FCER1A: variants seen among roughly 807,000 people sequenced by gnomAD.
FCER1A encodes Fc epsilon receptor Ia, also known as high affinity immunoglobulin epsilon receptor subunit alpha.
In FCER1A, 24 loss-of-function variants were observed where a neutral mutation model predicts 23.6. That is an observed-to-expected ratio of 1.02 (90% CI 0.74 to 1.43). The LOEUF is 1.43. FCER1A is among the 40% of genes most tolerant of loss of function. FCER1A has a pLI of 0.00. For synonymous variants in FCER1A, 121 were observed against 108.8 expected (o/e 1.11, Z -0.70); for missense variants, 318 against 294.5 (o/e 1.08, Z -0.58).
At chr1:159,283,903 A>T in the FCER1A span, among the ~76,000 whole-genome samples, 2 of 152,178 alleles carry the variant, frequency 1.3e-5, no homozygotes, top group Non-Finnish European at 2.9e-5. Context: ...AGAGGTAAGG[A>T]AGGTAGAACC....
At chr1:159,283,724 G>A in the FCER1A span, among the ~76,000 whole-genome samples, 2 of 152,148 alleles carry the variant, frequency 1.3e-5, no homozygotes, top group Non-Finnish European at 2.9e-5. Flanking sequence ...TGTTCCTGAG[G>A]CTTGGGACAT....
rs768920816 is a variant in FCER1A at position 159,302,442 on chromosome 1, C to T, written c.55+23C>T. The T allele has an allele frequency of 5.2e-6, 8 of 1,549,558 alleles. No individual in the cohort carries two copies. In the South Asian group the frequency reaches 6.7e-5, roughly 13 times the overall value. On this transcript the variant is annotated intron_variant, in intron 1 of 4. Coordinates refer to ENST00000693622, the MANE Select transcript of FCER1A (RefSeq NM_001387280.1). ...TCGGTAAGTAGAGATTCAATTACCC[C>T]TCCCAGGGAGGCCCAAATGAATTTG...
upstream of FCER1A, among the ~76,000 whole-genome samples, chr1:159,301,648 G>A (rs938279438): frequency 3.9e-5 from 6 of 152,196 alleles, 1 homozygote; most frequent in Non-Finnish European, 8.8e-5. Flanking sequence ...AAAATTTGTG[G>A]ATTTATGCAC....
upstream of FCER1A, among the ~76,000 whole-genome samples, chr1:159,298,348 A>G (rs563749465): frequency 3.3e-5 from 5 of 152,302 alleles, no homozygotes; most frequent in South Asian, 1.0e-3. Context: ...TGTTTGGGTC[A>G]TGGAGGCAGA....
rs1168123622 is a variant in FCER1A at position 159,307,763 on chromosome 1, A to C, written c.605A>C (p.Tyr202Ser). 6.2e-7 allele frequency: 1 copy of C among 1,609,908 alleles called. No homozygotes were observed. Among genetic ancestry groups the C allele is most frequent in the Non-Finnish European group, 8.5e-7 (1 of 1,176,668 alleles). ...TCCACTACAGCTCCGCGTGAGAAGT[A>C]CTGGCTACAATTTTTTATCCCATTG... Reference protein sequence around the residue: ...ITVIKAPREKYWLQFFIPLLV... With the variant: ...ITVIKAPREKSWLQFFIPLLV... Residue 202 changes from tyrosine to serine, a missense_variant, in exon 5 of 5, where the codon TAC becomes TCC. Coordinates refer to ENST00000693622, the MANE Select transcript of FCER1A (RefSeq NM_001387280.1).
At chr1:159,296,933 G>A (rs919403210) in intron 1 of FCER1A, among the ~76,000 whole-genome samples, 1 of 152,050 alleles carries the variant, frequency 6.6e-6, no homozygotes, top group Non-Finnish European at 1.5e-5. Context: ...AGAAACACAC[G>A]GGTCACAGAA....
At chr1:159,297,276 G>A (rs1393832109) in intron 1 of FCER1A, among the ~76,000 whole-genome samples, 2 of 152,088 alleles carry the variant, frequency 1.3e-5, no homozygotes, top group African/African-American at 4.8e-5. Flanking sequence ...GTGTGATGAT[G>A]TCTGTCTCAT....
chr1:159,297,819 T>A (rs774342350), upstream of FCER1A, among the ~76,000 whole-genome samples: 4 of 152,092 alleles, frequency 2.6e-5, no homozygotes, highest in African/African-American at 4.8e-5. Flanking sequence ...GTGGGAGGGA[T>A]CACTTGAGCC....
chr1:159,287,478 C>T (rs1470161280), upstream of FCER1A, among the ~76,000 whole-genome samples: 1 of 151,946 alleles, frequency 6.6e-6, no homozygotes, highest in Non-Finnish European at 1.5e-5. Context: ...TAGAAATTAA[C>T]TAAAGAATAT....
chr1:159,291,061 T>G (rs1571074803), intron 1 of FCER1A, among the ~76,000 whole-genome samples: 1 of 117,814 alleles, frequency 8.5e-6, no homozygotes, highest in South Asian at 3.4e-4. Context: ...TGAAACAAGA[T>G]TTTTTTCTAG....
At position 159,307,762 on chromosome 1, in the gene FCER1A, T is replaced by A. The variant is rs769678039; in HGVS notation, c.604T>A (p.Tyr202Asn). ...ITVIKAPREK[Y>N]WLQFFIPLLV... The stretch of plus-strand genomic sequence containing the variant: ...TTCCACTACAGCTCCGCGTGAGAAG[T>A]ACTGGCTACAATTTTTTATCCCATT... The change falls in exon 5 of 5, where the codon TAC (tyrosine) becomes AAC (asparagine). Residue 202 changes from tyrosine to asparagine, a missense_variant. Coordinates refer to ENST00000693622, the MANE Select transcript of FCER1A (RefSeq NM_001387280.1). 2.5e-5 allele frequency: 41 copies of A among 1,608,938 alleles called. No individual in the cohort carries two copies. In the Admixed American group the frequency reaches 6.7e-4, roughly 26 times the overall value.
chr1:159,288,572 G>C (rs1000020538), upstream of FCER1A, among the ~76,000 whole-genome samples: 1 of 152,154 alleles, frequency 6.6e-6, no homozygotes, highest in African/African-American at 2.4e-5. Flanking sequence ...TGGTAATTCA[G>C]TTAACCTGGG....
chr1:159,285,851 G>A (rs753345735), upstream of FCER1A, among the ~76,000 whole-genome samples: 3 of 152,026 alleles, frequency 2.0e-5, no homozygotes, highest in Non-Finnish European at 2.9e-5. Context: ...ATACTATATT[G>A]TACCTCATAA....
chr1:159,308,121 G>A lies in FCER1A; in HGVS notation c.*189G>A. ...AGTAAGTGCTCAATTAACATTGGTTGAATAAATGAGAGAATGAATAGATTC... is the reference window on the plus strand; with the variant it reads ...AGTAAGTGCTCAATTAACATTGGTTAAATAAATGAGAGAATGAATAGATTC... On this transcript the variant is annotated 3_prime_UTR_variant, in exon 5 of 5. Coordinates refer to ENST00000693622, the MANE Select transcript of FCER1A (RefSeq NM_001387280.1). 2.2e-6 allele frequency: 1 copy of A among 445,130 alleles called. No homozygotes were observed. Among genetic ancestry groups the A allele is most frequent in the Non-Finnish European group, 4.0e-6 (1 of 250,786 alleles). 27.6% of individuals were successfully genotyped at this position (445,130 alleles called of 1,614,324 possible). A position where few individuals can be genotyped will look rare whatever the true frequency, so the allele number is the denominator to read the frequency against.
intron 1 of FCER1A, among the ~76,000 whole-genome samples, chr1:159,295,662 G>A (rs1388334452): frequency 1.3e-5 from 2 of 152,166 alleles, no homozygotes; most frequent in African/African-American, 2.4e-5. Context: ...ATCTGCAAGT[G>A]TTTCCCGTTT....
the FCER1A span, among the ~76,000 whole-genome samples, chr1:159,283,866 C>A: frequency 8.5e-5 from 13 of 152,106 alleles, no homozygotes; most frequent in Admixed American, 5.2e-4. Context: ...CTGAGATCAT[C>A]CTTTTGAGAA....
At chr1:159,305,910 T>C (rs1376935741) in intron 3 of FCER1A, 78 bp from the exon 4 acceptor site, 17 of 1,293,070 alleles carry the variant, frequency 1.3e-5, no homozygotes, top group East Asian at 2.4e-5. Flanking sequence ...ACATGCTCTA[T>C]GCGTGGCTCT....
chr1:159,305,889 T>C (rs776663835), intron 3 of FCER1A, 99 bp from the exon 4 acceptor site: 24 of 1,058,132 alleles, frequency 2.3e-5, no homozygotes, highest in Non-Finnish European at 3.3e-5. Context: ...TGATAATTCA[T>C]AGTTTCTGAC....
rs1212548447 is a variant in FCER1A at position 159,302,538 on chromosome 1, A to G, written c.55+119A>G. 12 of 808,692 alleles carry G rather than the reference A, an allele frequency of 1.5e-5. No individual in the cohort carries two copies. The East Asian group carries it at 2.7e-4, about 18-fold the overall frequency. The allele number at this position is 808,692 out of a possible 1,614,324, so 50.1% of individuals were successfully genotyped here. On this transcript the variant is annotated intron_variant, in intron 1 of 4. Coordinates refer to ENST00000693622, the MANE Select transcript of FCER1A (RefSeq NM_001387280.1). ...CTAGGACATGTGCAAACTATTGGGC[A>G]TTTCCCAGGGACTCTGTAGTGGAGC... is the stretch of plus-strand genomic sequence containing the variant.
Sources: allele counts gnomAD v4.1 joint callset (sites outside exome capture counted in the v4.1 genomes callset), GRCh38; gene constraint gnomAD v4.1.1; transcripts MANE v1.5; gene names NCBI Gene and HGNC (gene_info 2026-07-23, HGNC 2026-07-21).